ZC3HC1: variants seen among roughly 807,000 people sequenced by gnomAD.
ZC3HC1 encodes the protein zinc finger C3HC-type protein 1.
A neutral mutation model predicts 61.9 loss-of-function variants in ZC3HC1; 38 were observed. The ratio of observed to expected loss-of-function variants is 0.61; its 90% CI spans 0.47 to 0.81. The LOEUF (loss-of-function observed/expected upper bound fraction) is 0.81, where lower values mean the gene tolerates loss of function less well. ZC3HC1 is among the 30% of genes least tolerant of loss of function. The pLI, the probability that ZC3HC1 is intolerant of heterozygous loss-of-function variation, is 0.00. For synonymous variants in ZC3HC1, 213 were observed against 229.9 expected (o/e 0.93, Z 0.67); for missense variants, 554 against 622.7 (o/e 0.89, Z 1.17).
At chr7:130,041,494 A>G (rs1221006333) in intron 2 of ZC3HC1, among the ~76,000 whole-genome samples, 2 of 149,834 alleles carry the variant, frequency 1.3e-5, no homozygotes, top group South Asian at 4.2e-4. Context: ...ATTAAAATGA[A>G]TAAGTCATAA....
At chr7:130,028,875 A>C in intron 5 of ZC3HC1, 27 bp downstream of exon 5, 1 of 1,605,522 alleles carries the variant, frequency 6.2e-7, no homozygotes, top group Non-Finnish European at 8.5e-7. Flanking sequence ...ACTGGAGGCC[A>C]TTGCAGCCTA....
chr7:130,018,529 G>T lies in ZC3HC1; in HGVS notation c.*135C>A, dbSNP rs1793471890. 1.4e-6 allele frequency: 1 copy of T among 697,484 alleles called. No individual in the cohort carries two copies. The highest frequency in any genetic ancestry group is 2.5e-6 in the Non-Finnish European group (1 of 401,436). The allele number at this position is 697,484 out of a possible 1,614,324, so 43.2% of individuals were successfully genotyped here. A position where few individuals can be genotyped will look rare whatever the true frequency, so the allele number is the denominator to read the frequency against. On this transcript the variant is annotated 3_prime_UTR_variant, in exon 10 of 10. Transcript: ENST00000358303. ...CAGATAGTTGACACTCACTGCCTTT[G>T]CTATGGCAGGGGGCTCCTTATGATT... is the stretch of plus-strand genomic sequence containing the variant.
Position 130,023,750 on chromosome 7 carries a change from T to C in ZC3HC1, c.1021-27A>G, listed in dbSNP as rs775557123. The C allele has an allele frequency of 1.3e-6, 2 of 1,545,688 alleles. No individual in the cohort carries two copies. Among genetic ancestry groups the C allele is most frequent in the South Asian group, 1.1e-5 (1 of 88,320 alleles). On this transcript the variant is annotated intron_variant, in intron 7 of 9. Coordinates refer to ENST00000358303, the MANE Select transcript of ZC3HC1 (RefSeq NM_016478.5). This position sits in a 1 kb window ranked among gnomAD's most constrained non-coding sequence, Gnocchi z 4.2. Reference sequence around the variant, plus strand: ...TGAAGGAAAGGGGAGATAATGGAAGTACACGAATGATATTAATGATTATGG... The same window carrying C: ...TGAAGGAAAGGGGAGATAATGGAAGCACACGAATGATATTAATGATTATGG...
intron 6 of ZC3HC1, among the ~76,000 whole-genome samples, chr7:130,024,899 T>TC (rs1793827095): frequency 7.9e-6 from 1 of 127,254 alleles, no homozygotes; most frequent in Non-Finnish European, 1.7e-5. Flanking sequence ...TCCCTCTTTT[T>TC]TTTTTTTTTT....
At chr7:130,050,126 G>T (rs1331033683) in intron 1 of ZC3HC1, among the ~76,000 whole-genome samples, 5 of 152,024 alleles carry the variant, frequency 3.3e-5, no homozygotes, top group Non-Finnish European at 4.4e-5. Context: ...CACTCAGGCT[G>T]GAGTGCAGTG....
chr7:130,035,156 G>A lies in ZC3HC1; in HGVS notation c.493+4308C>T, dbSNP rs113622032. ...TGTAATCATAGCACTTTGGGAGGCC[G>A]AGGAGAGTGGATCATTTGAGGTCAG... On this transcript the variant is annotated intron_variant, in intron 4 of 9. Coordinates refer to ENST00000358303, the MANE Select transcript of ZC3HC1 (RefSeq NM_016478.5). Among the ~76,000 whole-genome samples, 197 of 152,184 alleles carry A rather than the reference G, an allele frequency of 1.3e-3. 1 individual carries two copies. The highest frequency in any genetic ancestry group is 4.5e-3 in the African/African-American group (185 of 41,530).
In ZC3HC1 at chr7:130,051,342, C is replaced by G; in HGVS notation, c.25G>C (p.Ala9Pro). Residue 9 changes from alanine to proline, a missense_variant, in exon 1 of 10, where the codon GCG (alanine) becomes CCG (proline). Transcript: ENST00000358303. Reference sequence around the variant, plus strand: ...TTCTTTTCAACCCCTACGGCAAACGCTTGTCCCTCACAGGGCGCCGCCATC... The same window carrying G: ...TTCTTTTCAACCCCTACGGCAAACGGTTGTCCCTCACAGGGCGCCGCCATC... MAAPCEGQAFAVGVEKNWG... is the reference protein window; with the variant it reads MAAPCEGQPFAVGVEKNWG... 1 of 1,613,294 alleles carries G rather than the reference C, an allele frequency of 6.2e-7. No individual in the cohort carries two copies. Among genetic ancestry groups the G allele is most frequent in the South Asian group, 1.1e-5 (1 of 90,900 alleles).
intron 9 of ZC3HC1, 137 bp from the exon 10 acceptor site, chr7:130,018,869 A>C (rs933318587): frequency 4.6e-6 from 3 of 651,090 alleles, no homozygotes; most frequent in African/African-American, 1.8e-5. Flanking sequence ...CATAATGTAT[A>C]CCTAAAGTCA....
At chr7:130,044,457 T>C (rs1794794503) in intron 2 of ZC3HC1, among the ~76,000 whole-genome samples, 1 of 152,164 alleles carries the variant, frequency 6.6e-6, no homozygotes, top group Admixed American at 6.5e-5. Context: ...AAAGAGGTCA[T>C]GGGTTATGGG....
At chr7:130,036,065 T>C (rs1794418328) in intron 4 of ZC3HC1, among the ~76,000 whole-genome samples, 1 of 152,070 alleles carries the variant, frequency 6.6e-6, no homozygotes, top group Non-Finnish European at 1.5e-5. Context: ...AGAGATATTT[T>C]AATAGATAAA....
Position 130,022,495 on chromosome 7 carries a change from T to C in ZC3HC1, c.1264A>G (p.Thr422Ala). Residue 422 changes from threonine (T) to alanine (A), a missense_variant, in exon 9 of 10, where the codon ACC (threonine) becomes GCC (alanine). Coordinates refer to ENST00000358303, the MANE Select transcript of ZC3HC1 (RefSeq NM_016478.5). ...DTSSRSFFDP[T>A]SQHRDWCPWV... ...GGGCACCAGTCTCTATGCTGAGAGG[T>C]GGGATCAAAGAAGCTTCGGGAAGAT... The C allele has an allele frequency of 1.9e-6, 3 of 1,613,502 alleles. No individual in the cohort carries two copies. The highest frequency in any genetic ancestry group is 2.5e-6 in the Non-Finnish European group (3 of 1,179,750).
intron 4 of ZC3HC1, among the ~76,000 whole-genome samples, chr7:130,038,873 A>AC (rs910327096): frequency 6.6e-6 from 1 of 151,450 alleles, no homozygotes; most frequent in African/African-American, 2.4e-5. Flanking sequence ...AAAAAAAAAA[A>AC]AAAAAACCAA....
chr7:130,040,416 C>T (rs1343616985), intron 3 of ZC3HC1, among the ~76,000 whole-genome samples: 1 of 138,926 alleles, frequency 7.2e-6, no homozygotes, highest in Non-Finnish European at 1.5e-5. Flanking sequence ...ATGGTGTGAA[C>T]CCAGGAGGCG....
chr7:130,036,484 C>T (rs573240580), intron 4 of ZC3HC1, among the ~76,000 whole-genome samples: 4 of 152,214 alleles, frequency 2.6e-5, no homozygotes, highest in Admixed American at 2.0e-4. Flanking sequence ...ATTGCCTGAA[C>T]CCAAGAAGCG....
chr7:130,041,194 T>A (rs535754752), intron 2 of ZC3HC1, 93 bp from the exon 3 acceptor site: 20 of 1,402,734 alleles, frequency 1.4e-5, no homozygotes, highest in African/African-American at 2.9e-5. Context: ...ATACTGTTTT[T>A]TTTTTGTTTT....
At chr7:130,038,859 C>CAAAAAAAAAAAAAAAAAAAAAACAAA (rs368582060) in intron 4 of ZC3HC1, among the ~76,000 whole-genome samples, 1 of 86,572 alleles carries the variant, frequency 1.2e-5, no homozygotes, top group Non-Finnish European at 2.1e-5. Flanking sequence ...GGCTCTGTCT[C>CAAAAAAAAAAAAAAAAAAAAAACAAA]AAAAAAAAAA....
intron 4 of ZC3HC1, among the ~76,000 whole-genome samples, chr7:130,034,906 C>CA (rs1794371800): frequency 6.6e-6 from 1 of 152,142 alleles, no homozygotes; most frequent in Non-Finnish European, 1.5e-5. Flanking sequence ...TCTCTTCCTT[C>CA]AAAAAATCTC....
rs527751788 is a variant in ZC3HC1, at chr7:130,039,395, C to T, written c.493+69G>A. ...AGAAAGTTCAAAGACTAGGTTTTCACAAACAGACAATATTAGAAATGCAAT... is the reference window on the plus strand; with the variant it reads ...AGAAAGTTCAAAGACTAGGTTTTCATAAACAGACAATATTAGAAATGCAAT... On this transcript the variant is annotated intron_variant, in intron 4 of 9. Transcript: ENST00000358303. The T allele has an allele frequency of 9.3e-6, 12 of 1,291,340 alleles. No individual in the cohort carries two copies. In the East Asian group the frequency reaches 2.4e-4, roughly 25 times the overall value. 80.0% of individuals were successfully genotyped at this position (1,291,340 alleles called of 1,614,324 possible).
chr7:130,028,797 G>A, intron 5 of ZC3HC1, 105 bp downstream of exon 5: 1 of 1,440,948 alleles, frequency 6.9e-7, no homozygotes, highest in Non-Finnish European at 9.3e-7. Flanking sequence ...CAGACAAGCA[G>A]TTCTCTTCAC....
Sources: allele counts gnomAD v4.1 joint callset (sites outside exome capture counted in the v4.1 genomes callset), GRCh38; gene constraint gnomAD v4.1.1; non-coding constraint Gnocchi (gnomAD v3.1); transcripts MANE v1.5; gene names NCBI Gene and HGNC (gene_info 2026-07-23, HGNC 2026-07-21).